HSPB1: variants seen among roughly 807,000 people sequenced by gnomAD.
HSPB1 encodes the protein heat shock protein family B (small) member 1.
A neutral mutation model predicts 17.0 loss-of-function variants in HSPB1; 19 were observed. The ratio of observed to expected loss-of-function variants is 1.12; its 90% CI spans 0.78 to 1.64. HSPB1 has a LOEUF of 1.64. HSPB1 is among the 40% of genes most tolerant of loss of function. HSPB1 has a pLI of 0.00. For missense variants in HSPB1, 348 were observed against 289.2 expected (o/e 1.20, Z -1.47); for synonymous variants, 165 against 129.8 (o/e 1.27, Z -1.84).
At position 76,304,225 on chromosome 7, in the gene HSPB1, C is replaced by G; in HGVS notation, c.*52C>G. ...CTGCCGCCACTGGCTGTGCCTCCCC[C>G]GCCACCTGTGTGTTCTTTTGATACA... On this transcript the variant is annotated 3_prime_UTR_variant, in exon 3 of 3. Transcript: ENST00000248553. 1 of 1,492,348 alleles carries G rather than the reference C, an allele frequency of 6.7e-7. No homozygotes were observed. The highest frequency in any genetic ancestry group is 9.2e-7 in the Non-Finnish European group (1 of 1,082,904). The allele number at this position is 1,492,348 out of a possible 1,614,324, so 92.4% of individuals were successfully genotyped here.
chr7:76,304,108 T>G lies in HSPB1; in HGVS notation c.553T>G (p.Phe185Val). 1 of 1,613,566 alleles carries G rather than the reference T, an allele frequency of 6.2e-7. No individual in the cohort carries two copies. The highest frequency in any genetic ancestry group is 8.5e-7 in the Non-Finnish European group (1 of 1,179,854). Residue 185 changes from phenylalanine to valine, a missense_variant, in exon 3 of 3, where the codon TTC becomes GTC. Coordinates refer to ENST00000248553, the MANE Select transcript of HSPB1 (RefSeq NM_001540.5). ...QSNEITIPVT[F>V]ESRAQLGGPE... ...CAACGAGATCACCATCCCAGTCACC[T>G]TCGAGTCGCGGGCCCAGCTTGGGGG...
intron 1 of HSPB1, 101 bp from the exon 2 acceptor site, chr7:76,303,701 G>A: frequency 1.1e-6 from 1 of 938,638 alleles, no homozygotes; most frequent in Non-Finnish European, 1.8e-6. Flanking sequence ...CTACCAGCCT[G>A]CAGTCCTGGC....
chr7:76,303,285 T>G, intron 1 of HSPB1: 2 of 586,356 alleles, frequency 3.4e-6, no homozygotes, highest in Non-Finnish European at 2.9e-6. Flanking sequence ...CCCAGCGCTT[T>G]GGGAGGCCGA....
At position 76,304,292 on chromosome 7, in the gene HSPB1, C is replaced by A. The variant is rs1443513674; in HGVS notation, c.*119C>A. 5.6e-6 allele frequency: 6 copies of A among 1,064,334 alleles called. No homozygotes were observed. The African/African-American group carries it at 6.3e-5, about 11-fold the overall frequency. The allele number at this position is 1,064,334 out of a possible 1,614,324, so 65.9% of individuals were successfully genotyped here. ...CTCAAATAAAGTTCAAAGCAACCACCTGTCACTGGCCCAGGCCCTGGTGTT... is the reference window on the plus strand; with the variant it reads ...CTCAAATAAAGTTCAAAGCAACCACATGTCACTGGCCCAGGCCCTGGTGTT... On this transcript the variant is annotated 3_prime_UTR_variant, in exon 3 of 3. Transcript: ENST00000248553.
Position 76,302,689 on chromosome 7 carries a change from A to G in HSPB1, c.-24A>G. 6.3e-7 allele frequency: 1 copy of G among 1,598,336 alleles called. No homozygotes were observed. The highest frequency in any genetic ancestry group is 1.7e-5 in the Admixed American group (1 of 59,898). ...CAGCGCCCCGCACTTTTCTGAGCAG[A>G]CGTCCAGAGCAGAGTCAGCCAGCAT... On this transcript the variant is annotated 5_prime_UTR_variant, in exon 1 of 3. Coordinates refer to ENST00000248553, the MANE Select transcript of HSPB1 (RefSeq NM_001540.5).
Position 76,303,687 on chromosome 7 carries a change from A to C in HSPB1, c.365-115A>C, listed in dbSNP as rs951056394. 3.8e-6 allele frequency: 3 copies of C among 799,134 alleles called. No homozygotes were observed. In the Admixed American group the frequency reaches 5.8e-5, roughly 15 times the overall value. The allele number at this position is 799,134 out of a possible 1,614,324, so 49.5% of individuals were successfully genotyped here. On this transcript the variant is annotated intron_variant, in intron 1 of 2. Transcript: ENST00000248553. ...CCCCCATCCCCAACCCCCTCTGTTA[A>C]TCCCTACCAGCCTGCAGTCCTGGCT...
intron 1 of HSPB1, 179 bp downstream of exon 1, chr7:76,303,255 G>C: frequency 1.4e-6 from 1 of 721,802 alleles, no homozygotes; most frequent in Middle Eastern, 2.8e-4. Context: ...CGCTTCTAAG[G>C]GCGCTTTCTG....
At chr7:76,303,501 T>C (rs1165318916) in intron 1 of HSPB1, 1 of 540,642 alleles carries the variant, frequency 1.8e-6, no homozygotes, top group Non-Finnish European at 3.3e-6. Context: ...GGGAGTTCCC[T>C]GGCGCGGTGC....
chr7:76,303,926 G>A (rs2117161611), intron 2 of HSPB1, 58 bp from the exon 3 acceptor site: 1 of 1,609,900 alleles, frequency 6.2e-7, no homozygotes, highest in Non-Finnish European at 8.5e-7. Flanking sequence ...AGGGAAGAGG[G>A]CACAGGGACC....
At chr7:76,303,139 G>A in intron 1 of HSPB1, 63 bp downstream of exon 1, 2 of 1,488,820 alleles carry the variant, frequency 1.3e-6, no homozygotes, top group East Asian at 2.5e-5. Context: ...GGCCGGGGGC[G>A]TGCGGTTGAA....
At chr7:76,303,282 C>T (rs921315983) in intron 1 of HSPB1, 6 of 602,738 alleles carry the variant, frequency 1.0e-5, no homozygotes, top group Non-Finnish European at 1.7e-5. Context: ...AATCCCAGCG[C>T]TTTGGGAGGC....
Position 76,304,287 on chromosome 7 carries a change from A to G in HSPB1, c.*114A>G, listed in dbSNP as rs1803080188. Reference sequence around the variant, plus strand: ...TTTTTCTCAAATAAAGTTCAAAGCAACCACCTGTCACTGGCCCAGGCCCTG... The same window carrying G: ...TTTTTCTCAAATAAAGTTCAAAGCAGCCACCTGTCACTGGCCCAGGCCCTG... On this transcript the variant is annotated 3_prime_UTR_variant, in exon 3 of 3. Transcript: ENST00000248553. 2 of 1,099,030 alleles carry G rather than the reference A, an allele frequency of 1.8e-6. No individual in the cohort carries two copies. Among genetic ancestry groups the G allele is most frequent in the Non-Finnish European group, 2.7e-6 (2 of 736,282 alleles). 68.1% of individuals were successfully genotyped at this position (1,099,030 alleles called of 1,614,324 possible).
Position 76,304,089 on chromosome 7 carries a change from G to C in HSPB1, c.534G>C (p.Glu178Asp). 6.2e-7 allele frequency: 1 copy of C among 1,613,808 alleles called. No homozygotes were observed. Among genetic ancestry groups the C allele is most frequent in the Non-Finnish European group, 8.5e-7 (1 of 1,179,944 alleles). ...CCAAGCTAGCCACGCAGTCCAACGA[G>C]ATCACCATCCCAGTCACCTTCGAGT... is the stretch of plus-strand genomic sequence containing the variant. ...PMPKLATQSN[E>D]ITIPVTFESR... is the part of the protein sequence containing the mutation. The change falls in exon 3 of 3, where the codon GAG becomes GAC. Residue 178 changes from glutamate (E) to aspartate (D), a missense_variant. Physicochemically the swap from Glu to Asp is conservative, Grantham distance 45 (BLOSUM62 2). Transcript: ENST00000248553.
chr7:76,303,579 C>T lies in HSPB1; in HGVS notation c.365-223C>T, dbSNP rs1006610313. On this transcript the variant is annotated intron_variant, in intron 1 of 2. Transcript: ENST00000248553. ...CGCCTGCGTACTGCTCACTCCCCAG[C>T]TCCGCGCCCTGCTCCGTTCCTCCCA... The T allele has an allele frequency of 6.6e-6, 4 of 607,410 alleles. No individual in the cohort carries two copies. In the East Asian group the frequency reaches 8.3e-5, roughly 13 times the overall value. 37.6% of individuals were successfully genotyped at this position (607,410 alleles called of 1,614,324 possible).
At chr7:76,303,725 G>T in intron 1 of HSPB1, 77 bp from the exon 2 acceptor site, 1 of 1,291,292 alleles carries the variant, frequency 7.7e-7, no homozygotes, top group Non-Finnish European at 1.1e-6. Context: ...TTCCAAGCAG[G>T]AGGTGGGGCC....
chr7:76,302,752 C>A lies in HSPB1; in HGVS notation c.40C>A (p.Pro14Thr). ...CGTCCCCTTCTCGCTCCTGCGGGGC[C>A]CCAGCTGGGACCCCTTCCGCGACTG... The part of the protein sequence containing the change: ...RRVPFSLLRG[P>T]SWDPFRDWYP... Residue 14 changes from proline to threonine, a missense_variant, in exon 1 of 3, where the codon CCC (proline) becomes ACC (threonine). Pro to Thr is a conservative substitution (Grantham distance 38). Transcript: ENST00000248553. The A allele has an allele frequency of 6.2e-7, 1 of 1,606,740 alleles. No individual in the cohort carries two copies. The highest frequency in any genetic ancestry group is 8.5e-7 in the Non-Finnish European group (1 of 1,179,764).
chr7:76,303,719 AAGC>A, intron 1 of HSPB1, 80 bp from the exon 2 acceptor site: 1 of 1,234,304 alleles, frequency 8.1e-7, no homozygotes, highest in South Asian at 1.2e-5. Context: ...GGCTGCTTCC[AAGC>A]AGGAGGTGGG....
chr7:76,302,850 A>AGGC lies in HSPB1; in HGVS notation c.142_144dup (p.Gly48dup). 1 of 1,594,936 alleles carries AGGC rather than the reference A, an allele frequency of 6.3e-7. No individual in the cohort carries two copies. Among genetic ancestry groups the AGGC allele is most frequent in the Non-Finnish European group, 8.5e-7 (1 of 1,174,588 alleles). Reference sequence around the variant, plus strand: ...TGCCGGAGGAGTGGTCGCAGTGGTTAGGCGGCAGCAGCTGGCCAGGCTACG... The same window carrying AGGC: ...TGCCGGAGGAGTGGTCGCAGTGGTTAGGCGGCGGCAGCAGCTGGCCAGGCTACG... On this transcript the variant is annotated inframe_insertion, in exon 1 of 3. Transcript: ENST00000248553.
chr7:76,302,699 C>G lies in HSPB1; in HGVS notation c.-14C>G. The G allele has an allele frequency of 6.3e-7, 1 of 1,599,452 alleles. No homozygotes were observed. Among genetic ancestry groups the G allele is most frequent in the Non-Finnish European group, 8.5e-7 (1 of 1,179,842 alleles). Reference sequence around the variant, plus strand: ...CACTTTTCTGAGCAGACGTCCAGAGCAGAGTCAGCCAGCATGACCGAGCGC... The same window carrying G: ...CACTTTTCTGAGCAGACGTCCAGAGGAGAGTCAGCCAGCATGACCGAGCGC... On this transcript the variant is annotated 5_prime_UTR_variant, in exon 1 of 3. Transcript: ENST00000248553.
Sources: allele counts gnomAD v4.1 joint callset, GRCh38; gene constraint gnomAD v4.1.1; transcripts MANE v1.5; gene names NCBI Gene and HGNC (gene_info 2026-07-23, HGNC 2026-07-21).